AKAP6: variants seen among roughly 807,000 people sequenced by gnomAD.
AKAP6 encodes the protein A-kinase anchor protein 6.
Under a neutral mutation model 188.5 loss-of-function variants are expected in AKAP6, and 58 were observed. The ratio of observed to expected loss-of-function variants is 0.31; its 90% CI spans 0.25 to 0.38. AKAP6 has a LOEUF of 0.38. AKAP6 is among the 10% of genes least tolerant of loss of function. AKAP6 has a pLI of 1.00. For missense variants in AKAP6, 2,710 were observed against 2,740.0 expected (o/e 0.99, Z 0.24); for synonymous variants, 989 against 998.6 (o/e 0.99, Z 0.18).
chr14:32,722,245 C>T (rs1041813869), intron 9 of AKAP6, among the ~76,000 whole-genome samples: 12 of 152,100 alleles, frequency 7.9e-5, no homozygotes, highest in Non-Finnish European at 1.3e-4. Flanking sequence ...ACATTTAATA[C>T]ATTGTCTAGG....
chr14:32,811,039 A>G (rs913472507), intron 12 of AKAP6, among the ~76,000 whole-genome samples: 5 of 151,982 alleles, frequency 3.3e-5, no homozygotes, highest in Non-Finnish European at 7.4e-5. Context: ...GGAGATCGAG[A>G]CCATCCTGGC....
chr14:32,698,862 G>A (rs1389036391), intron 9 of AKAP6, among the ~76,000 whole-genome samples: 2 of 152,108 alleles, frequency 1.3e-5, no homozygotes, highest in African/African-American at 4.8e-5. Flanking sequence ...AACTTCTAAG[G>A]GAGATCTTCA....
chr14:32,552,273 C>G (rs1883509689), intron 4 of AKAP6, among the ~76,000 whole-genome samples: 1 of 152,114 alleles, frequency 6.6e-6, no homozygotes, highest in South Asian at 2.1e-4. Context: ...TTATTCCTCC[C>G]ACAAGATAAA....
intron 5 of AKAP6, among the ~76,000 whole-genome samples, chr14:32,591,718 A>G (rs374683630): frequency 6.6e-6 from 1 of 151,738 alleles, no homozygotes; most frequent in African/African-American, 2.4e-5. Flanking sequence ...AAAACTTGGA[A>G]CATCTTTCTC....
At chr14:32,559,735 C>A (rs1159556967) in intron 4 of AKAP6, among the ~76,000 whole-genome samples, 2 of 149,872 alleles carry the variant, frequency 1.3e-5, no homozygotes, top group Non-Finnish European at 2.9e-5. Context: ...GTTCTTCAAG[C>A]AATTGTAATG....
At chr14:32,700,733 C>T (rs1890587867) in intron 9 of AKAP6, among the ~76,000 whole-genome samples, 1 of 152,140 alleles carries the variant, frequency 6.6e-6, no homozygotes, top group Admixed American at 6.5e-5. Context: ...TCTCTACCAT[C>T]TACTCTATCA....
At chr14:32,431,177 G>GCT in intron 1 of AKAP6, among the ~76,000 whole-genome samples, 1 of 152,100 alleles carries the variant, frequency 6.6e-6, no homozygotes, top group Admixed American at 6.5e-5. Context: ...TGGTATGGTA[G>GCT]CTCACTCTTC....
At chr14:32,469,767 C>T (rs1327771625) in intron 2 of AKAP6, among the ~76,000 whole-genome samples, 1 of 148,762 alleles carries the variant, frequency 6.7e-6, no homozygotes, top group Non-Finnish European at 1.5e-5. Context: ...ACATGCTGCT[C>T]GGAGATGTTT....
intron 9 of AKAP6, among the ~76,000 whole-genome samples, chr14:32,698,151 G>A (rs1284635018): frequency 6.6e-6 from 1 of 152,038 alleles, no homozygotes; most frequent in Non-Finnish European, 1.5e-5. Context: ...ATAACCCTGA[G>A]GATATTGACT....
intron 12 of AKAP6, among the ~76,000 whole-genome samples, chr14:32,812,453 AG>A (rs2034261196): frequency 6.6e-6 from 1 of 152,132 alleles, no homozygotes; most frequent in African/African-American, 2.4e-5. Flanking sequence ...GGGAAATTCC[AG>A]GGAAACACCA....
intron 1 of AKAP6, among the ~76,000 whole-genome samples, chr14:32,404,265 G>A (rs1161379742): frequency 1.3e-5 from 2 of 152,054 alleles, no homozygotes; most frequent in African/African-American, 4.8e-5. Flanking sequence ...CTTTCCATTA[G>A]CCTTAATATT....
intron 1 of AKAP6, among the ~76,000 whole-genome samples, chr14:32,347,357 C>T (rs1021842213): frequency 6.6e-5 from 10 of 152,206 alleles, no homozygotes; most frequent in Admixed American, 5.9e-4. Flanking sequence ...AAACTTTCAG[C>T]TTGCTAAATG....
At chr14:32,717,708 G>T (rs1473699865) in intron 9 of AKAP6, among the ~76,000 whole-genome samples, 1 of 151,830 alleles carries the variant, frequency 6.6e-6, no homozygotes, top group Non-Finnish European at 1.5e-5. Context: ...AGCTGAAAAA[G>T]TGCTCAAAAG....
intron 11 of AKAP6, among the ~76,000 whole-genome samples, chr14:32,760,005 T>G (rs1370088611): frequency 6.6e-6 from 1 of 152,250 alleles, no homozygotes; most frequent in African/African-American, 2.4e-5. Flanking sequence ...AAGTTACATT[T>G]TCAATCTTGT....
chr14:32,354,535 C>A (rs1887414913), intron 1 of AKAP6, among the ~76,000 whole-genome samples: 1 of 152,192 alleles, frequency 6.6e-6, no homozygotes, highest in Non-Finnish European at 1.5e-5. Flanking sequence ...TCTTTCTATG[C>A]AAATTCAACC....
rs555249077 is a variant in AKAP6 at position 32,816,678 on chromosome 14, T to C, written c.3589-4724T>C. On this transcript the variant is annotated intron_variant, in intron 12 of 13. Transcript: ENST00000280979. ...TCATCTATACTGAGGTATATGTTATTTTCTCCCACCTCTCCATCACCCCCT... is the reference window on the plus strand; with the variant it reads ...TCATCTATACTGAGGTATATGTTATCTTCTCCCACCTCTCCATCACCCCCT... Among the ~76,000 whole-genome samples, 4 of 152,300 alleles carry C rather than the reference T, an allele frequency of 2.6e-5. 1 individual carries two copies. The Middle Eastern group carries it at 0.014, about 518-fold the overall frequency.
intron 1 of AKAP6, among the ~76,000 whole-genome samples, chr14:32,377,789 T>C (rs1353012985): frequency 6.6e-6 from 1 of 152,226 alleles, no homozygotes. Flanking sequence ...AGCCCCTGAG[T>C]AATCATAATT....
chr14:32,362,622 C>T (rs1013734756), intron 1 of AKAP6, among the ~76,000 whole-genome samples: 4 of 152,124 alleles, frequency 2.6e-5, no homozygotes, highest in African/African-American at 7.2e-5. Flanking sequence ...CATGAGCAAA[C>T]GTGGCCTGTA....
intron 7 of AKAP6, among the ~76,000 whole-genome samples, chr14:32,677,687 G>C (rs775845403): frequency 1.3e-5 from 2 of 152,176 alleles, no homozygotes; most frequent in Non-Finnish European, 2.9e-5. Context: ...ATAGAAAACA[G>C]CATGGTGAAC....
Sources: gnomAD v4.1 joint callset for allele counts (sites outside exome capture counted in the v4.1 genomes callset) on GRCh38, gnomAD v4.1.1 for gene constraint, MANE v1.5 for transcripts, NCBI Gene and HGNC (gene_info 2026-07-23, HGNC 2026-07-21) for gene names.